The following ZNF148 variants were observed in gnomAD, a reference collection of about 807,000 sequenced individuals.
ZNF148 encodes the protein Beta-Enolase Repressor Factor-1.
ZNF148 carries 7 observed loss-of-function variants against 67.7 expected under a neutral mutation model. The observed-to-expected ratio is 0.10, with a 90% CI of 0.06 to 0.19. The LOEUF (loss-of-function observed/expected upper bound fraction) is 0.19. ZNF148 is among the 10% of genes least tolerant of loss of function. The pLI is 1.00. For missense variants in ZNF148, 583 were observed against 947.1 expected (o/e 0.62, Z 5.05); for synonymous variants, 333 against 330.7 (o/e 1.01, Z -0.08).
In ZNF148 at chr3:125,226,906, G is replaced by C. The variant is rs567517061; in HGVS notation, c.*5435C>G. 6.6e-6 allele frequency: 1 copy of C among 152,210 alleles called. No individual in the cohort carries two copies. The highest frequency in any genetic ancestry group is 2.4e-5 in the African/African-American group (1 of 41,534). 9.4% of individuals were successfully genotyped at this position (152,210 alleles called of 1,614,324 possible). Reference sequence around the variant, plus strand: ...AACACTGAAAATTTCAATGTGATAAGTTTCATTGCAAAGCAACTGTCACCT... The same window carrying C: ...AACACTGAAAATTTCAATGTGATAACTTTCATTGCAAAGCAACTGTCACCT... On this transcript the variant is annotated 3_prime_UTR_variant, in exon 9 of 9. Coordinates refer to ENST00000360647, the MANE Select transcript of ZNF148 (RefSeq NM_021964.3).
chr3:125,313,566 T>C lies in ZNF148; in HGVS notation c.75A>G (p.Thr25=). Reference sequence around the variant, plus strand: ...CAGACACTCCACCCATTACAACCATTGTCCTGGAAGACTGCATTTCGTCTA... The same window carrying C: ...CAGACACTCCACCCATTACAACCATCGTCCTGGAAGACTGCATTTCGTCTA... The part of the protein sequence containing the change: ...GGIDEMQSSR[T]MVVMGGVSGQ... The change falls in exon 4 of 9, where the codon ACA becomes ACG. Residue 25 remains threonine, a synonymous_variant. Transcript: ENST00000360647. 1 of 1,614,194 alleles carries C rather than the reference T, an allele frequency of 6.2e-7. No individual in the cohort carries two copies.
rs1406078668 is a variant in ZNF148 at position 125,228,503 on chromosome 3, C to T, written c.*3838G>A. 6.6e-6 allele frequency: 1 copy of T among 152,590 alleles called. No individual in the cohort carries two copies. The highest frequency in any genetic ancestry group is 1.5e-5 in the Non-Finnish European group (1 of 68,024). 9.5% of individuals were successfully genotyped at this position (152,590 alleles called of 1,614,324 possible). A position where few individuals can be genotyped will look rare whatever the true frequency, so the allele number is the denominator to read the frequency against. ...AAATGTTTTTAGAACTTTCCTGATGCTACTTGTAAAGTTAGCACTGCTATG... is the reference window on the plus strand; with the variant it reads ...AAATGTTTTTAGAACTTTCCTGATGTTACTTGTAAAGTTAGCACTGCTATG... On this transcript the variant is annotated 3_prime_UTR_variant, in exon 9 of 9. Transcript: ENST00000360647.
At chr3:125,239,079 G>C (rs757236197) in intron 7 of ZNF148, among the ~76,000 whole-genome samples, 3 of 152,168 alleles carry the variant, frequency 2.0e-5, no homozygotes, top group Non-Finnish European at 4.4e-5. Flanking sequence ...ATAGAAAGTA[G>C]AACAGTGGTT....
At chr3:125,279,312 T>C (rs910353793) in intron 5 of ZNF148, 65 bp from the exon 6 acceptor site, 5 of 1,314,772 alleles carry the variant, frequency 3.8e-6, no homozygotes, top group African/African-American at 1.5e-5. Context: ...TAAATAGTAA[T>C]TTTAAAAAAA....
chr3:125,244,363 T>G (rs1018457025), intron 7 of ZNF148, among the ~76,000 whole-genome samples: 9 of 152,192 alleles, frequency 5.9e-5, no homozygotes, highest in African/African-American at 2.2e-4. Flanking sequence ...ACTAATCTGA[T>G]TTTTGGCAAC....
intron 3 of ZNF148, among the ~76,000 whole-genome samples, chr3:125,316,992 A>G (rs549671214): frequency 6.6e-6 from 1 of 152,368 alleles, no homozygotes; most frequent in South Asian, 2.1e-4. Context: ...GAACAGGAAG[A>G]GAGCACACCT....
chr3:125,293,517 G>C (rs1020662097), intron 4 of ZNF148, among the ~76,000 whole-genome samples: 4 of 152,064 alleles, frequency 2.6e-5, no homozygotes, highest in Non-Finnish European at 4.4e-5. Context: ...CTGGGTCGGG[G>C]AAAAATATAA....
chr3:125,300,037 T>C (rs1446031189), intron 4 of ZNF148, among the ~76,000 whole-genome samples: 1 of 152,216 alleles, frequency 6.6e-6, no homozygotes, highest in Non-Finnish European at 1.5e-5. Flanking sequence ...AGTGGTGCCA[T>C]CTCGGCTCAC....
intron 7 of ZNF148, among the ~76,000 whole-genome samples, chr3:125,235,433 A>G: frequency 6.6e-6 from 1 of 152,120 alleles, no homozygotes; most frequent in African/African-American, 2.4e-5. Context: ...GCCCTGATTC[A>G]CGCTGCTCCT....
At position 125,275,183 on chromosome 3, in the gene ZNF148, G is replaced by A. The variant is rs765216686; in HGVS notation, c.667+2543C>T. 3.9e-5 allele frequency among the ~76,000 whole-genome samples: 6 copies of A among 152,110 alleles called. No homozygotes were observed. The East Asian group carries it at 1.2e-3, about 29-fold the overall frequency. On this transcript the variant is annotated intron_variant, in intron 7 of 8. Transcript: ENST00000360647. ...TATATCAGTTCCACCTAGTAGGGAG[G>A]GAACAATAGGGCAGAATTGATTCTC...
intron 1 of ZNF148, chr3:125,357,323 C>CGCAT (rs1451300276): frequency 1.3e-5 from 2 of 153,858 alleles, no homozygotes; most frequent in Non-Finnish European, 2.9e-5. Context: ...GACACACGCA[C>CGCAT]GCACGCACGC....
chr3:125,313,743 A>T, intron 3 of ZNF148, 87 bp from the exon 4 acceptor site: 2 of 1,051,282 alleles, frequency 1.9e-6, no homozygotes, highest in South Asian at 1.7e-5. Context: ...GAATTTGAAC[A>T]TTCAAATACA....
At chr3:125,360,633 T>A (rs1942506570) in intron 1 of ZNF148, among the ~76,000 whole-genome samples, 1 of 152,064 alleles carries the variant, frequency 6.6e-6, no homozygotes, top group Admixed American at 6.6e-5. Flanking sequence ...TTCCAATGTC[T>A]CATTTCTTAA....
intron 4 of ZNF148, among the ~76,000 whole-genome samples, chr3:125,291,153 T>C (rs1373445105): frequency 1.3e-5 from 2 of 152,096 alleles, no homozygotes; most frequent in Admixed American, 1.3e-4. Flanking sequence ...TTTAGACTCT[T>C]CTCTTCATTC....
rs1320352210 is a variant in ZNF148, at chr3:125,227,401, G to A, written c.*4940C>T. On this transcript the variant is annotated 3_prime_UTR_variant, in exon 9 of 9. Coordinates refer to ENST00000360647, the MANE Select transcript of ZNF148 (RefSeq NM_021964.3). ...ACAAAGAAGGCATAGGGGATCCCAGGAAAATAACACTATATATCAGAAAAT... is the reference window on the plus strand; with the variant it reads ...ACAAAGAAGGCATAGGGGATCCCAGAAAAATAACACTATATATCAGAAAAT... The A allele has an allele frequency of 6.6e-6, 1 of 152,500 alleles. No homozygotes were observed. The highest frequency in any genetic ancestry group is 1.5e-5 in the Non-Finnish European group (1 of 67,994). 9.4% of individuals were successfully genotyped at this position (152,500 alleles called of 1,614,324 possible). A position where few individuals can be genotyped will look rare whatever the true frequency, so the allele number is the denominator to read the frequency against.
At chr3:125,297,713 A>G (rs1339454369) in intron 4 of ZNF148, among the ~76,000 whole-genome samples, 1 of 145,760 alleles carries the variant, frequency 6.9e-6, no homozygotes. Context: ...CCACTATCAT[A>G]CCACCAAAAC....
intron 2 of ZNF148, among the ~76,000 whole-genome samples, chr3:125,327,482 CATAAA>C (rs1461424872): frequency 6.6e-6 from 1 of 152,128 alleles, no homozygotes; most frequent in Non-Finnish European, 1.5e-5. Context: ...CACGCGGGGC[CATAAA>C]ATAAGTCTCA....
intron 1 of ZNF148, among the ~76,000 whole-genome samples, chr3:125,368,722 A>G (rs1023352229): frequency 8.5e-5 from 13 of 152,094 alleles, no homozygotes; most frequent in Admixed American, 4.6e-4. Flanking sequence ...AGGTGAGTGG[A>G]TCACTTGAGG....
rs1935853941 is a variant in ZNF148, at chr3:125,231,547, A to C, written c.*794T>G. On this transcript the variant is annotated 3_prime_UTR_variant, in exon 9 of 9. Transcript: ENST00000360647. ...ACAGAATTTCTTTTACTAAAACTTC[A>C]AAACCTTGATACCTGCACATGAAAA... 1 of 152,570 alleles carries C rather than the reference A, an allele frequency of 6.6e-6. No individual in the cohort carries two copies. 9.5% of individuals were successfully genotyped at this position (152,570 alleles called of 1,614,324 possible).
Sources: allele counts gnomAD v4.1 joint callset (sites outside exome capture counted in the v4.1 genomes callset), GRCh38; gene constraint gnomAD v4.1.1; transcripts MANE v1.5; gene names NCBI Gene and HGNC (gene_info 2026-07-23, HGNC 2026-07-21).